The following VPS13C variants were observed in gnomAD, a reference collection of about 807,000 sequenced individuals.
The protein encoded by VPS13C is intermembrane lipid transfer protein VPS13C.
VPS13C carries 358 observed loss-of-function variants against 456.8 expected under a neutral mutation model. That is an observed-to-expected ratio of 0.78 (90% CI 0.72 to 0.86). The LOEUF (loss-of-function observed/expected upper bound fraction) is 0.86. VPS13C is among the 40% of genes least tolerant of loss of function. VPS13C has a pLI of 0.00. For synonymous variants in VPS13C, 1,578 were observed against 1,486.7 expected, an observed-to-expected ratio of 1.06 and a Z score of -1.41; for missense variants, 4,818 against 4,385.4, an observed-to-expected ratio of 1.10 and a Z score of -2.79.
Position 61,966,810 on chromosome 15 carries a change from G to T in VPS13C, c.2991+558C>A, listed in dbSNP as rs150370421. ...CCCTACTCGTCTACAATTTTCTTGA[G>T]AACAGGGAATGTTTTTCATTTCTGT... On this transcript the variant is annotated intron_variant, in intron 29 of 84. Transcript: ENST00000644861. Among the ~76,000 whole-genome samples, 380 of 151,950 alleles carry T rather than the reference G, an allele frequency of 2.5e-3. 1 individual carries two copies. The highest frequency in any genetic ancestry group is 8.5e-3 in the African/African-American group (351 of 41,500).
intron 11 of VPS13C, 59 bp downstream of exon 11, chr15:62,012,980 A>G: frequency 7.4e-7 from 1 of 1,345,160 alleles, no homozygotes; most frequent in Non-Finnish European, 1.0e-6. Context: ...GCCCTCTTAT[A>G]TTAAACAAAT....
At chr15:62,033,189 G>A (rs1232643576) in intron 5 of VPS13C, among the ~76,000 whole-genome samples, 1 of 151,174 alleles carries the variant, frequency 6.6e-6, no homozygotes, top group Non-Finnish European at 1.5e-5. Context: ...TTCCAAACTA[G>A]CACAATAAAA....
At chr15:61,918,074 T>C in intron 59 of VPS13C, 62 bp downstream of exon 59, 4 of 1,485,518 alleles carry the variant, frequency 2.7e-6, no homozygotes, top group Non-Finnish European at 3.6e-6. Flanking sequence ...TGAAGTTATT[T>C]GCCAGAATAT....
At chr15:61,886,537 C>T (rs1185091143) in intron 67 of VPS13C, among the ~76,000 whole-genome samples, 1 of 152,064 alleles carries the variant, frequency 6.6e-6, no homozygotes, top group East Asian at 1.9e-4. Flanking sequence ...CTCAAACATG[C>T]TGTGATTTGT....
At chr15:61,909,276 C>G (rs961261048) in intron 64 of VPS13C, 151 bp from the exon 65 acceptor site, 2 of 882,760 alleles carry the variant, frequency 2.3e-6, no homozygotes, top group Admixed American at 5.6e-5. Flanking sequence ...GGCGCCATCT[C>G]GGGTTACTGC....
rs146115791 is a variant in VPS13C at position 61,977,466 on chromosome 15, A to T, written c.2291-267T>A. Among the ~76,000 whole-genome samples the T allele has an allele frequency of 6.4e-4, 97 of 152,116 alleles. No individual in the cohort carries two copies. The East Asian group carries it at 0.011, about 18-fold the overall frequency. On this transcript the variant is annotated intron_variant, in intron 23 of 84. Coordinates refer to ENST00000644861, the MANE Select transcript of VPS13C (RefSeq NM_020821.3). ...GGAGAATGTTCACATAACATCTTGC[A>T]TTTCAAAGTAAACAGGAAAAACAAA... is the stretch of plus-strand genomic sequence containing the variant.
At chr15:62,010,702 G>A (rs1168935419) in intron 12 of VPS13C, 103 bp from the exon 13 acceptor site, 4 of 1,176,200 alleles carry the variant, frequency 3.4e-6, no homozygotes, top group Middle Eastern at 2.1e-4. Flanking sequence ...AAAGAAAAAT[G>A]ATCAAAAATG....
chr15:62,033,868 G>C (rs895008590), intron 4 of VPS13C, among the ~76,000 whole-genome samples: 1 of 151,580 alleles, frequency 6.6e-6, no homozygotes, highest in Non-Finnish European at 1.5e-5. Context: ...TGCTCTATCA[G>C]TGGTAAATCT....
chr15:61,859,048 G>C (rs931921353), intron 82 of VPS13C, among the ~76,000 whole-genome samples: 1 of 152,136 alleles, frequency 6.6e-6, no homozygotes, highest in African/African-American at 2.4e-5. Flanking sequence ...ACTATTCTGT[G>C]TGAGAAGCTA....
At chr15:61,932,673 C>A (rs1056263691) in intron 49 of VPS13C, among the ~76,000 whole-genome samples, 1 of 152,204 alleles carries the variant, frequency 6.6e-6, no homozygotes, top group Admixed American at 6.5e-5. Flanking sequence ...TCCACCCCTT[C>A]TCTCACTCAA....
chr15:61,935,420 T>C (rs1179631986), intron 48 of VPS13C: 2 of 152,264 alleles, frequency 1.3e-5, no homozygotes, highest in African/African-American at 2.4e-5. Context: ...TCTATTTTTC[T>C]GAGAAATAAT....
At chr15:61,899,598 T>G (rs147616018) in intron 66 of VPS13C, among the ~76,000 whole-genome samples, 74,531 of 142,770 alleles carry the variant, frequency 0.52, 19,520 homozygotes, top group Admixed American at 0.6. Context: ...AATAACAGGA[T>G]CTGAAATTGT....
At chr15:62,012,398 G>T (rs887228787) in intron 11 of VPS13C, among the ~76,000 whole-genome samples, 13 of 151,874 alleles carry the variant, frequency 8.6e-5, no homozygotes, top group Non-Finnish European at 1.5e-4. Context: ...CAACCTTGTA[G>T]TATGTCCACT....
intron 21 of VPS13C, 140 bp downstream of exon 21, chr15:61,982,319 T>A (rs903950437): frequency 2.0e-6 from 1 of 504,118 alleles, no homozygotes; most frequent in Non-Finnish European, 3.3e-6. Context: ...GAGAAAGCCA[T>A]GTCCACTCTA....
chr15:62,055,686 C>T (rs17271340), intron 1 of VPS13C, among the ~76,000 whole-genome samples: 49,389 of 151,982 alleles, frequency 0.32, 9,507 homozygotes, highest in Non-Finnish European at 0.41. Flanking sequence ...GCAAAGATTA[C>T]GCATTTTTAT....
intron 52 of VPS13C, among the ~76,000 whole-genome samples, chr15:61,926,058 C>A (rs568151341): frequency 4.9e-4 from 75 of 151,960 alleles, no homozygotes; most frequent in Non-Finnish European, 8.8e-4. Flanking sequence ...TAGGCTTGTA[C>A]CTGAACTGAA....
At chr15:61,973,674 C>G (rs927446596) in intron 25 of VPS13C, 142 bp from the exon 26 acceptor site, 14 of 599,458 alleles carry the variant, frequency 2.3e-5, no homozygotes, top group East Asian at 1.9e-4. Flanking sequence ...ATATACAAAT[C>G]TTCCAACAAG....
At position 61,864,950 on chromosome 15, in the gene VPS13C, T is replaced by C. The variant is rs979795612; in HGVS notation, c.10864-1422A>G. 7 of 979,994 alleles carry C rather than the reference T, an allele frequency of 7.1e-6. No homozygotes were observed. The African/African-American group carries it at 1.1e-4, about 15-fold the overall frequency. 60.7% of individuals were successfully genotyped at this position (979,994 alleles called of 1,614,324 possible). A position where few individuals can be genotyped will look rare whatever the true frequency, so the allele number is the denominator to read the frequency against. Reference sequence around the variant, plus strand: ...AATACTACCCACTTTCTATCTTGTATGTATTTTCGTTAGTTATTAGGCTAT... The same window carrying C: ...AATACTACCCACTTTCTATCTTGTACGTATTTTCGTTAGTTATTAGGCTAT... On this transcript the variant is annotated intron_variant, in intron 81 of 84. Coordinates refer to ENST00000644861, the MANE Select transcript of VPS13C (RefSeq NM_020821.3).
At chr15:62,012,375 G>A (rs2047075875) in intron 11 of VPS13C, among the ~76,000 whole-genome samples, 1 of 151,756 alleles carries the variant, frequency 6.6e-6, no homozygotes, top group African/African-American at 2.4e-5. Flanking sequence ...TAAGAATTCT[G>A]TATGTCTACA....
Sources: allele counts gnomAD v4.1 joint callset (sites outside exome capture counted in the v4.1 genomes callset), GRCh38; gene constraint gnomAD v4.1.1; transcripts MANE v1.5; gene names NCBI Gene and HGNC (gene_info 2026-07-23, HGNC 2026-07-21).